MYH7: variants seen among roughly 807,000 people sequenced by gnomAD.
MYH7 encodes the protein myosin-7.
Under a neutral mutation model 225.4 loss-of-function variants are expected in MYH7, and 129 were observed. The observed-to-expected ratio is 0.57, with a 90% CI of 0.50 to 0.66. MYH7 has a LOEUF of 0.66. MYH7 is among the 30% of genes least tolerant of loss of function. The pLI, the probability that MYH7 is intolerant of heterozygous loss-of-function variation, is 0.00. For missense variants in MYH7, 1,649 were observed against 2,517.0 expected (o/e 0.66, Z 7.38); for synonymous variants, 971 against 1,007.6 (o/e 0.96, Z 0.69).
In MYH7 at chr14:23,417,461, C is replaced by T. The variant is rs3729822; in HGVS notation, c.4353+42G>A. ...GCCTCTCACTGAACCCCTCATGCCC[C>T]CTTGCCCTGCATGCTGGCTGCGGCC... On this transcript the variant is annotated intron_variant, in intron 31 of 39. Coordinates refer to ENST00000355349, the MANE Select transcript of MYH7 (RefSeq NM_000257.4). 0.011 allele frequency: 17,654 copies of T among 1,612,164 alleles called. 1,632 individuals carry two copies. The African/African-American group carries it at 0.2, about 19-fold the overall frequency.
At chr14:23,427,197 G>C in intron 17 of MYH7, 43 bp downstream of exon 17, 1 of 1,604,372 alleles carries the variant, frequency 6.2e-7, no homozygotes, top group Non-Finnish European at 8.5e-7. Flanking sequence ...GGTGGGGTTG[G>C]GCAGATGGGG....
rs1225090920 is a variant in MYH7 at position 23,432,524 on chromosome 14, G to A, written c.503-18C>T. 1.2e-6 allele frequency: 2 copies of A among 1,614,086 alleles called. No homozygotes were observed. The highest frequency in any genetic ancestry group is 1.1e-5 in the South Asian group (1 of 91,078). ...TTCTCTGTCTGTGGGGAGAGGGTGGGGAGGAAAGGTCAGGAGCTGCACAGG... is the reference window on the plus strand; with the variant it reads ...TTCTCTGTCTGTGGGGAGAGGGTGGAGAGGAAAGGTCAGGAGCTGCACAGG... On this transcript the variant is annotated intron_variant, in intron 5 of 39. Transcript: ENST00000355349.
intron 24 of MYH7, 130 bp downstream of exon 24, chr14:23,423,417 C>G (rs892581965): frequency 1.1e-5 from 14 of 1,277,746 alleles, no homozygotes; most frequent in Non-Finnish European, 1.6e-5. Context: ...AACCCTACCC[C>G]CCTCTAAACA....
chr14:23,420,598 G>T (rs1353907460), intron 26 of MYH7, among the ~76,000 whole-genome samples: 1 of 152,242 alleles, frequency 6.6e-6, no homozygotes, highest in African/African-American at 2.4e-5. Context: ...TTCTGCTCTA[G>T]AGTAAGGAGG....
chr14:23,428,755 C>A, intron 14 of MYH7, 85 bp from the exon 15 acceptor site: 20 of 1,605,580 alleles, frequency 1.2e-5, no homozygotes, highest in Non-Finnish European at 1.6e-5. Flanking sequence ...TGCCTGAGCC[C>A]AGCAGGGCGT....
At position 23,418,377 on chromosome 14, in the gene MYH7, C is replaced by T. The variant is rs2138649129; in HGVS notation, c.4002G>A (p.Gln1334=). 2 of 1,613,012 alleles carry T rather than the reference C, an allele frequency of 1.2e-6. No individual in the cohort carries two copies. Among genetic ancestry groups the T allele is most frequent in the Non-Finnish European group, 1.7e-6 (2 of 1,179,342 alleles). ...KAKNALAHAL[Q]SARHDCDLLR... ...GCAGGTCGCAGTCATGCCGGGCCGA[C>T]TGCAGTGCGTGGGCCAGGGCGTTCT... Residue 1334 remains glutamine, a synonymous_variant, in exon 30 of 40, where the codon CAG becomes CAA. Coordinates refer to ENST00000355349, the MANE Select transcript of MYH7 (RefSeq NM_000257.4).
chr14:23,433,061 G>A lies in MYH7; in HGVS notation c.345+23C>T, dbSNP rs776861953. ...ATGGAGCAAGAACAGAGATCCCAAC[G>A]TAGGGCCAGGTGCAGCACTCACGTA... On this transcript the variant is annotated intron_variant, in intron 4 of 39. Coordinates refer to ENST00000355349, the MANE Select transcript of MYH7 (RefSeq NM_000257.4). This position sits in a 1 kb window ranked among gnomAD's most constrained non-coding sequence, Gnocchi z 4.1. The A allele has an allele frequency of 8.7e-6, 14 of 1,613,906 alleles. No homozygotes were observed. The highest frequency in any genetic ancestry group is 1.6e-4 in the Middle Eastern group (1 of 6,082).
In MYH7 at chr14:23,419,502, GGCCC is replaced by G. The variant is rs774413223; in HGVS notation, c.3830_3833del (p.Arg1277ProfsTer20). 1 of 1,614,116 alleles carries G rather than the reference GGCCC, an allele frequency of 6.2e-7. No individual in the cohort carries two copies. Among genetic ancestry groups the G allele is most frequent in the South Asian group, 1.1e-5 (1 of 91,078 alleles). On this transcript the variant is annotated frameshift_variant, in exon 28 of 40. Coordinates refer to ENST00000355349, the MANE Select transcript of MYH7 (RefSeq NM_000257.4). LOFTEE classifies it high-confidence loss of function. The stretch of plus-strand genomic sequence containing the variant: ...GCTCACCATTCTCGGTTTGCAACTT[GGCCC>G]GCTGGCTGGTGAGGTCGTTGACAGA...
In MYH7 at chr14:23,415,884, A is replaced by G; in HGVS notation, c.4954-52T>C. ...CAGGGAGCCAGCCTCGGTTCCCTTC[A>G]CTAAAGGCACCTGTCAGAGGTCCCT... is the stretch of plus-strand genomic sequence containing the variant. On this transcript the variant is annotated intron_variant, in intron 34 of 39. Coordinates refer to ENST00000355349, the MANE Select transcript of MYH7 (RefSeq NM_000257.4). This position sits in a 1 kb window ranked among gnomAD's most constrained non-coding sequence, Gnocchi z 6.3. 1 of 1,613,474 alleles carries G rather than the reference A, an allele frequency of 6.2e-7. No homozygotes were observed. Among genetic ancestry groups the G allele is most frequent in the Non-Finnish European group, 8.5e-7 (1 of 1,179,588 alleles).
At position 23,425,225 on chromosome 14, in the gene MYH7, C is replaced by T; in HGVS notation, c.2423+57G>A. 6.2e-7 allele frequency: 1 copy of T among 1,613,860 alleles called. No homozygotes were observed. The highest frequency in any genetic ancestry group is 1.7e-5 in the Admixed American group (1 of 60,000). Reference sequence around the variant, plus strand: ...TGCTGAGCTTTTTTTCCTGACACTGCCCCTGAACCAGCCTGGGCCTCAGAG... The same window carrying T: ...TGCTGAGCTTTTTTTCCTGACACTGTCCCTGAACCAGCCTGGGCCTCAGAG... On this transcript the variant is annotated intron_variant, in intron 21 of 39. Coordinates refer to ENST00000355349, the MANE Select transcript of MYH7 (RefSeq NM_000257.4). The surrounding 1 kb of genome is among the most constrained non-coding windows in gnomAD (Gnocchi z 4.6).
At chr14:23,427,553 C>A in intron 16 of MYH7, 32 bp downstream of exon 16, 1 of 1,612,220 alleles carries the variant, frequency 6.2e-7, no homozygotes, top group South Asian at 1.1e-5. Flanking sequence ...AATCCCTGCT[C>A]CTCTGTACCG....
chr14:23,427,928 C>T, intron 15 of MYH7, 34 bp from the exon 16 acceptor site: 1 of 1,612,824 alleles, frequency 6.2e-7, no homozygotes, highest in African/African-American at 1.3e-5. Flanking sequence ...ACTGAGTGTC[C>T]TTCACACAGG....
chr14:23,417,451 C>G, intron 31 of MYH7, 52 bp downstream of exon 31: 1 of 1,612,178 alleles, frequency 6.2e-7, no homozygotes, highest in Admixed American at 1.7e-5. Flanking sequence ...TCACTGAACC[C>G]CTCATGCCCC....
rs774151903 is a variant in MYH7, at chr14:23,420,000, C to T, written c.3571G>A (p.Ala1191Thr). ...ATLQHEATAA[A>T]LRKKHADSVA... The stretch of plus-strand genomic sequence containing the variant: ...CTGTCGGCGTGCTTCTTGCGCAGGG[C>T]CGCGGCAGTGGCCTCGTGCTGCAGC... The change falls in exon 27 of 40, where the codon GCC becomes ACC. Residue 1191 changes from alanine (A) to threonine (T), a missense_variant. Physicochemically the swap from Ala to Thr is moderately conservative, Grantham distance 58. Transcript: ENST00000355349. 8 of 1,596,422 alleles carry T rather than the reference C, an allele frequency of 5.0e-6. No individual in the cohort carries two copies. Among genetic ancestry groups the T allele is most frequent in the Middle Eastern group, 2.2e-4 (1 of 4,458 alleles).
At chr14:23,423,405 C>G in intron 24 of MYH7, 142 bp downstream of exon 24, 2 of 1,202,306 alleles carry the variant, frequency 1.7e-6, no homozygotes, top group South Asian at 2.5e-5. Flanking sequence ...TTAACATCCT[C>G]TAACCCTACC....
Position 23,433,336 on chromosome 14 carries a change from A to G in MYH7, c.202-109T>C. 1 of 1,538,784 alleles carries G rather than the reference A, an allele frequency of 6.5e-7. No homozygotes were observed. Among genetic ancestry groups the G allele is most frequent in the Non-Finnish European group, 8.9e-7 (1 of 1,121,372 alleles). ...GGCAATAGTGCTCAAGAGAGAAGGA[A>G]CCAGGATCTCACAGGGAAGACAGAA... On this transcript the variant is annotated intron_variant, in intron 3 of 39. Coordinates refer to ENST00000355349, the MANE Select transcript of MYH7 (RefSeq NM_000257.4). This position sits in a 1 kb window ranked among gnomAD's most constrained non-coding sequence, Gnocchi z 4.1.
chr14:23,422,758 G>A (rs1156371803), intron 24 of MYH7, among the ~76,000 whole-genome samples: 1 of 151,588 alleles, frequency 6.6e-6, no homozygotes, highest in Non-Finnish European at 1.5e-5. Context: ...AGCCTCCTGA[G>A]TAGCTGGGAC....
Position 23,415,244 on chromosome 14 carries a change from C to A in MYH7, c.5310G>T (p.Lys1770Asn). The A allele has an allele frequency of 6.2e-7, 1 of 1,614,276 alleles. No individual in the cohort carries two copies. Among genetic ancestry groups the A allele is most frequent in the Non-Finnish European group, 8.5e-7 (1 of 1,180,058 alleles). Residue 1770 changes from lysine to asparagine, a missense_variant, in exon 37 of 40, where the codon AAG becomes AAT. Coordinates refer to ENST00000355349, the MANE Select transcript of MYH7 (RefSeq NM_000257.4). This position sits in a 1 kb window ranked among gnomAD's most constrained non-coding sequence, Gnocchi z 6.3. The stretch of plus-strand genomic sequence containing the variant: ...GGTGGGCGCTGGTGTCCTGCTCCTT[C>A]TTCAGCTCCTCTGCCATCATGGCGG... Reference protein sequence around the residue: ...TDAAMMAEELKKEQDTSAHLE... With the variant: ...TDAAMMAEELNKEQDTSAHLE...
intron 17 of MYH7, 118 bp downstream of exon 17, chr14:23,427,122 A>G (rs776222822): frequency 6.2e-5 from 66 of 1,061,086 alleles, no homozygotes; most frequent in Non-Finnish European, 9.5e-5. Flanking sequence ...AATGGTCCCG[A>G]ATGCACCAAG....
Sources: allele counts gnomAD v4.1 joint callset (sites outside exome capture counted in the v4.1 genomes callset), GRCh38; gene constraint gnomAD v4.1.1; non-coding constraint Gnocchi (gnomAD v3.1); transcripts MANE v1.5; gene names NCBI Gene and HGNC (gene_info 2026-07-23, HGNC 2026-07-21).